FANCL: variants seen among roughly 807,000 people sequenced by gnomAD.
The protein encoded by FANCL is E3 ubiquitin-protein ligase FANCL.
FANCL carries 69 observed loss-of-function variants against 59.4 expected under a neutral mutation model. The ratio of observed to expected loss-of-function variants is 1.16; its 90% CI spans 0.96 to 1.42. The LOEUF (loss-of-function observed/expected upper bound fraction) is 1.42, where lower values mean the gene tolerates loss of function less well. FANCL is among the 40% of genes most tolerant of loss of function. The pLI is 0.00. For missense variants in FANCL, 519 were observed against 447.2 expected, an observed-to-expected ratio of 1.16 and a Z score of -1.45; for synonymous variants, 180 against 147.1, an observed-to-expected ratio of 1.22 and a Z score of -1.62.
chr2:58,220,684 C>T (rs1400015645), intron 5 of FANCL, among the ~76,000 whole-genome samples: 1 of 151,932 alleles, frequency 6.6e-6, no homozygotes, highest in African/African-American at 2.4e-5. Flanking sequence ...TTTTAAATGG[C>T]GATTTGATTT....
intron 7 of FANCL, among the ~76,000 whole-genome samples, chr2:58,174,710 G>A (rs200652916): frequency 8.6e-5 from 13 of 151,970 alleles, no homozygotes; most frequent in Non-Finnish European, 1.6e-4. Flanking sequence ...TTGACACCCT[G>A]ACATCACAAT....
intron 7 of FANCL, among the ~76,000 whole-genome samples, chr2:58,181,362 G>A (rs1687925498): frequency 1.3e-5 from 2 of 152,070 alleles, no homozygotes; most frequent in South Asian, 4.2e-4. Context: ...AGCTTTGGTG[G>A]AAAACAATCA....
intron 7 of FANCL, among the ~76,000 whole-genome samples, chr2:58,171,425 A>G (rs1407859174): frequency 1.3e-5 from 2 of 152,252 alleles, no homozygotes; most frequent in East Asian, 1.9e-4. Context: ...GAGAAAGCAG[A>G]AAGAACTAAA....
chr2:58,198,424 G>C (rs1028800719), intron 7 of FANCL, among the ~76,000 whole-genome samples, 170 bp downstream of exon 7: 2 of 152,144 alleles, frequency 1.3e-5, no homozygotes, highest in African/African-American at 4.8e-5. Context: ...GTATACAGAA[G>C]AGTGTGCACA....
At chr2:58,161,204 C>T (rs1483899381) in intron 12 of FANCL, among the ~76,000 whole-genome samples, 1 of 151,992 alleles carries the variant, frequency 6.6e-6, no homozygotes, top group Non-Finnish European at 1.5e-5. Context: ...ATGAAGCTTA[C>T]ATTGTGGTAA....
intron 5 of FANCL, among the ~76,000 whole-genome samples, chr2:58,211,409 T>C (rs977088209): frequency 3.3e-5 from 5 of 152,206 alleles, no homozygotes; most frequent in Admixed American, 1.3e-4. Flanking sequence ...GTGCCCACTT[T>C]TTCCTCCTAC....
intron 5 of FANCL, among the ~76,000 whole-genome samples, chr2:58,209,770 A>G (rs1217182956): frequency 6.6e-6 from 1 of 152,222 alleles, no homozygotes; most frequent in Non-Finnish European, 1.5e-5. Flanking sequence ...CAGATAAGCA[A>G]GAATTAAAGC....
intron 7 of FANCL, among the ~76,000 whole-genome samples, chr2:58,174,109 C>T (rs1308310837): frequency 6.6e-6 from 1 of 152,048 alleles, no homozygotes; most frequent in East Asian, 1.9e-4. Context: ...TATATGCACC[C>T]AATACAGGAG....
Position 58,174,933 on chromosome 2 carries a change from A to G in FANCL, c.541-9059T>C, listed in dbSNP as rs537213500. 2.4e-3 allele frequency among the ~76,000 whole-genome samples: 358 copies of G among 152,322 alleles called. 3 individuals are homozygous for G. Among genetic ancestry groups the G allele is most frequent in the Admixed American group, 0.011 (166 of 15,302 alleles). On this transcript the variant is annotated intron_variant, in intron 7 of 13. Transcript: ENST00000233741. ...GAGAGAAGAATCAAATAGATGCAGTAAAAAATGATAAAGGGTACATCACCA... is the reference window on the plus strand; with the variant it reads ...GAGAGAAGAATCAAATAGATGCAGTGAAAAATGATAAAGGGTACATCACCA...
rs1684672482 is a variant in FANCL at position 58,159,332 on chromosome 2, A to G, written c.*433T>C. ...TCACGTCTAACAAACTAAACTATATATGTATTTTTTCCATAGGAAAGCACA... is the reference window on the plus strand; with the variant it reads ...TCACGTCTAACAAACTAAACTATATGTGTATTTTTTCCATAGGAAAGCACA... On this transcript the variant is annotated 3_prime_UTR_variant, in exon 14 of 14. Coordinates refer to ENST00000233741, the MANE Select transcript of FANCL (RefSeq NM_018062.4). 2 of 1,567,118 alleles carry G rather than the reference A, an allele frequency of 1.3e-6. No individual in the cohort carries two copies. The highest frequency in any genetic ancestry group is 1.9e-5 in the Admixed American group (1 of 52,582).
rs774033309 is a variant in FANCL at position 58,159,306 on chromosome 2, C to G, written c.*459G>C. ...CTACACAAAATAAATACTTGGATAA[C>G]TCACGTCTAACAAACTAAACTATAT... is the stretch of plus-strand genomic sequence containing the variant. On this transcript the variant is annotated 3_prime_UTR_variant, in exon 14 of 14. Coordinates refer to ENST00000233741, the MANE Select transcript of FANCL (RefSeq NM_018062.4). 45 of 1,440,678 alleles carry G rather than the reference C, an allele frequency of 3.1e-5. No individual in the cohort carries two copies. Among genetic ancestry groups the G allele is most frequent in the Non-Finnish European group, 4.2e-5 (45 of 1,060,030 alleles). 89.2% of individuals were successfully genotyped at this position (1,440,678 alleles called of 1,614,324 possible). A position where few individuals can be genotyped will look rare whatever the true frequency, so the allele number is the denominator to read the frequency against.
At chr2:58,182,195 A>G (rs1687999933) in intron 7 of FANCL, among the ~76,000 whole-genome samples, 1 of 151,950 alleles carries the variant, frequency 6.6e-6, no homozygotes, top group East Asian at 1.9e-4. Flanking sequence ...TTTTTCCACA[A>G]TGAAAATCGT....
At chr2:58,195,287 A>G (rs950605611) in intron 7 of FANCL, among the ~76,000 whole-genome samples, 6 of 152,162 alleles carry the variant, frequency 3.9e-5, no homozygotes, top group Admixed American at 2.0e-4. Flanking sequence ...TACCATCCAA[A>G]GTCCTTATGA....
At chr2:58,166,319 A>C (rs1195701844) in intron 7 of FANCL, among the ~76,000 whole-genome samples, 1 of 152,192 alleles carries the variant, frequency 6.6e-6, no homozygotes, top group East Asian at 1.9e-4. Context: ...TTTGTAATTT[A>C]GTGAGATTAC....
intron 7 of FANCL, among the ~76,000 whole-genome samples, chr2:58,174,978 A>C (rs973143511): frequency 1.3e-5 from 2 of 152,212 alleles, no homozygotes; most frequent in Non-Finnish European, 1.5e-5. Context: ...CAGAAATACA[A>C]ACTACCATCA....
chr2:58,215,979 G>A (rs554404796), intron 5 of FANCL, among the ~76,000 whole-genome samples: 2 of 152,208 alleles, frequency 1.3e-5, no homozygotes, highest in South Asian at 4.1e-4. Flanking sequence ...CAAAGTCTCA[G>A]TGAATACCCC....
intron 7 of FANCL, among the ~76,000 whole-genome samples, chr2:58,178,933 C>T (rs12995681): frequency 0.21 from 32,552 of 151,932 alleles, 4,667 homozygotes; most frequent in African/African-American, 0.41. Flanking sequence ...TCTTATACAC[C>T]AATAACAGAC....
intron 1 of FANCL, among the ~76,000 whole-genome samples, chr2:58,233,947 T>G (rs1693797882): frequency 6.6e-6 from 1 of 151,630 alleles, no homozygotes; most frequent in South Asian, 2.1e-4. Flanking sequence ...CTTATACGAG[T>G]AAATAAAAAA....
At chr2:58,215,716 A>G (rs994342411) in intron 5 of FANCL, among the ~76,000 whole-genome samples, 1 of 151,792 alleles carries the variant, frequency 6.6e-6, no homozygotes, top group Non-Finnish European at 1.5e-5. Flanking sequence ...AAAAAAAAAA[A>G]AAGCATCATT....
Sources: allele counts gnomAD v4.1 joint callset (sites outside exome capture counted in the v4.1 genomes callset), GRCh38; gene constraint gnomAD v4.1.1; transcripts MANE v1.5; gene names NCBI Gene and HGNC (gene_info 2026-07-23, HGNC 2026-07-21).